Variants in HSDL1 observed in about 807,000 individuals in gnomAD.
The protein encoded by HSDL1 is hydroxysteroid dehydrogenase like 1, also known as inactive hydroxysteroid dehydrogenase-like protein 1.
HSDL1 carries 29 observed loss-of-function variants against 31.5 expected under a neutral mutation model. That is an observed-to-expected ratio of 0.92 (90% CI 0.69 to 1.26). The LOEUF is 1.26. Among genes scored for constraint, HSDL1 ranks in the 50% most tolerant of loss-of-function variants. The pLI is 0.00. For synonymous variants in HSDL1, 222 were observed against 155.2 expected (o/e 1.43, Z -3.20); for missense variants, 503 against 416.6 (o/e 1.21, Z -1.81).
chr16:84,141,698 G>A (rs747218641), intron 1 of HSDL1, among the ~76,000 whole-genome samples: 7 of 152,234 alleles, frequency 4.6e-5, no homozygotes, highest in Non-Finnish European at 8.8e-5. Context: ...CAGGGTGGCT[G>A]TGAAATGGTA....
At chr16:84,131,671 C>G (rs1392201867) in intron 2 of HSDL1, among the ~76,000 whole-genome samples, 1 of 149,404 alleles carries the variant, frequency 6.7e-6, no homozygotes, top group Admixed American at 6.7e-5. Flanking sequence ...CATGCCACCA[C>G]GCCCGGCTAA....
At chr16:84,143,767 C>T (rs2086796555) in intron 1 of HSDL1, among the ~76,000 whole-genome samples, 1 of 150,898 alleles carries the variant, frequency 6.6e-6, no homozygotes, top group African/African-American at 2.4e-5. Context: ...GAGGCCAAGG[C>T]GGGCAGATCA....
At position 84,123,256 on chromosome 16, in the gene HSDL1, T is replaced by C. The variant is rs2151182475; in HGVS notation, c.*1374A>G. ...TCATAAAACTGTGCTTAGGTCTGCT[T>C]ATGATAGATTATCACGTCACGAAAA... On this transcript the variant is annotated 3_prime_UTR_variant, in exon 6 of 6. Transcript: ENST00000219439. 1 of 152,358 alleles carries C rather than the reference T, an allele frequency of 6.6e-6. No individual in the cohort carries two copies. 9.4% of individuals were successfully genotyped at this position (152,358 alleles called of 1,614,324 possible).
In HSDL1 at chr16:84,130,333, C is replaced by A; in HGVS notation, c.319G>T (p.Val107Phe). ...TACGTGTCGGCTATGTCTTTAGCAA[C>A]AACCTGCAACTTCTCCTCGTTCCGA... The part of the protein sequence containing the change: ...ISRNEEKLQV[V>F]AKDIADTYKV... The change falls in exon 4 of 6, where the codon GTT becomes TTT. Residue 107 changes from valine to phenylalanine, a missense_variant. Physicochemically the swap from Val to Phe is conservative, Grantham distance 50. Transcript: ENST00000219439. 6.2e-7 allele frequency: 1 copy of A among 1,614,228 alleles called. No individual in the cohort carries two copies. The highest frequency in any genetic ancestry group is 8.5e-7 in the Non-Finnish European group (1 of 1,180,052).
Position 84,129,850 on chromosome 16 carries a change from T to C in HSDL1, c.667-75A>G, listed in dbSNP as rs188675272. 6.2e-5 allele frequency: 90 copies of C among 1,441,744 alleles called. 1 individual carries two copies. The African/African-American group carries it at 1.1e-3, about 17-fold the overall frequency. The allele number at this position is 1,441,744 out of a possible 1,614,324, so 89.3% of individuals were successfully genotyped here. ...AAATTCAGGAGAAAAAAAGACTTGCTTATTATCAATTCAGGAAAAAATACA... is the reference window on the plus strand; with the variant it reads ...AAATTCAGGAGAAAAAAAGACTTGCCTATTATCAATTCAGGAAAAAATACA... On this transcript the variant is annotated intron_variant, in intron 4 of 5. Transcript: ENST00000219439.
rs370696316 is a variant in HSDL1 at position 84,126,447 on chromosome 16, A to G, written c.895-1719T>C. Reference sequence around the variant, plus strand: ...ACTGGTATCTAGTGGGTGGAGGCCCAGGATGGTGTTCAACATCCTACAATA... The same window carrying G: ...ACTGGTATCTAGTGGGTGGAGGCCCGGGATGGTGTTCAACATCCTACAATA... On this transcript the variant is annotated intron_variant, in intron 5 of 5. Coordinates refer to ENST00000219439, the MANE Select transcript of HSDL1 (RefSeq NM_031463.5). 7.2e-5 allele frequency among the ~76,000 whole-genome samples: 11 copies of G among 152,286 alleles called. No individual in the cohort carries two copies. In the South Asian group the frequency reaches 2.1e-3, roughly 29 times the overall value.
In HSDL1 at chr16:84,124,391, GCA is replaced by G; in HGVS notation, c.*237_*238del. The G allele has an allele frequency of 2.7e-6, 1 of 367,990 alleles. No homozygotes were observed. Among genetic ancestry groups the G allele is most frequent in the Non-Finnish European group, 5.1e-6 (1 of 196,896 alleles). The allele number at this position is 367,990 out of a possible 1,614,324, so 22.8% of individuals were successfully genotyped here. ...AACTTTCAAACAGCTTAGGGAAAAA[GCA>G]CTGAAATGTAGATGTCGTCAATCAG... On this transcript the variant is annotated 3_prime_UTR_variant, in exon 6 of 6. Coordinates refer to ENST00000219439, the MANE Select transcript of HSDL1 (RefSeq NM_031463.5).
rs1279678039 is a variant in HSDL1, at chr16:84,123,773, A to G, written c.*857T>C. Reference sequence around the variant, plus strand: ...ATGGGTCAGAGGCTGAGAAATCACTATTTATCCACAAGAATTGCCTTATAA... The same window carrying G: ...ATGGGTCAGAGGCTGAGAAATCACTGTTTATCCACAAGAATTGCCTTATAA... On this transcript the variant is annotated 3_prime_UTR_variant, in exon 6 of 6. Transcript: ENST00000219439. The G allele has an allele frequency of 6.6e-6, 1 of 152,462 alleles. No individual in the cohort carries two copies. Among genetic ancestry groups the G allele is most frequent in the Non-Finnish European group, 1.5e-5 (1 of 68,038 alleles). 9.4% of individuals were successfully genotyped at this position (152,462 alleles called of 1,614,324 possible).
At chr16:84,130,870 G>A (rs999900028) in intron 3 of HSDL1, 2 of 497,230 alleles carry the variant, frequency 4.0e-6, no homozygotes. Context: ...TGGGTCTGGA[G>A]GAGGACTGGG....
chr16:84,136,809 G>T (rs1286908994), intron 1 of HSDL1, among the ~76,000 whole-genome samples: 2 of 152,200 alleles, frequency 1.3e-5, no homozygotes. Flanking sequence ...CAGAGCATCA[G>T]GGGGGCTGAT....
chr16:84,126,175 T>C (rs1158289988), intron 5 of HSDL1, among the ~76,000 whole-genome samples: 1 of 151,080 alleles, frequency 6.6e-6, no homozygotes, highest in Non-Finnish European at 1.5e-5. Flanking sequence ...GCATACGTGG[T>C]TAGTACTCTA....
intron 1 of HSDL1, chr16:84,139,149 G>C (rs146946143): frequency 6.6e-6 from 1 of 152,242 alleles, no homozygotes; most frequent in Non-Finnish European, 1.5e-5. Context: ...ATTAGCGAAC[G>C]ACAGTGTGGT....
At position 84,130,300 on chromosome 16, in the gene HSDL1, C is replaced by T; in HGVS notation, c.352G>A (p.Glu118Lys). The stretch of plus-strand genomic sequence containing the variant: ...AAGTCCGCAACTATAATATCAGTTT[C>T]CACTTTGTACGTGTCGGCTATGTCT... ...AKDIADTYKVETDIIVADFSS... is the reference protein window; with the variant it reads ...AKDIADTYKVKTDIIVADFSS... Residue 118 changes from glutamate (E) to lysine (K), a missense_variant, in exon 4 of 6, where the codon GAA becomes AAA. Physicochemically the swap from Glu to Lys is moderately conservative, Grantham distance 56 (BLOSUM62 1). Transcript: ENST00000219439. 6.2e-7 allele frequency: 1 copy of T among 1,614,242 alleles called. No individual in the cohort carries two copies.
chr16:84,127,153 C>T (rs965735549), intron 5 of HSDL1, among the ~76,000 whole-genome samples: 1 of 148,390 alleles, frequency 6.7e-6, no homozygotes, highest in Non-Finnish European at 1.5e-5. Flanking sequence ...GGTTTCTCTG[C>T]TTTTCTCAAG....
intron 1 of HSDL1, among the ~76,000 whole-genome samples, chr16:84,138,640 TA>T (rs2086735805): frequency 6.6e-6 from 1 of 152,212 alleles, no homozygotes; most frequent in Non-Finnish European, 1.5e-5. Context: ...TAAAATAATT[TA>T]AAAAAATTTT....
intron 1 of HSDL1, among the ~76,000 whole-genome samples, chr16:84,136,798 A>C (rs2086717115): frequency 6.6e-6 from 1 of 152,228 alleles, no homozygotes; most frequent in African/African-American, 2.4e-5. Flanking sequence ...TTTAAAAATC[A>C]CAGAGCATCA....
rs188938961 is a variant in HSDL1 at position 84,131,572 on chromosome 16, T to C, written c.-6-245A>G. ...CCCTGTCGCCCAGGCTGGAGTGCAGTGGTGCGATTTTGGCTCACTGCAACC... is the reference window on the plus strand; with the variant it reads ...CCCTGTCGCCCAGGCTGGAGTGCAGCGGTGCGATTTTGGCTCACTGCAACC... On this transcript the variant is annotated intron_variant, in intron 2 of 5. Transcript: ENST00000219439. Among the ~76,000 whole-genome samples, 642 of 152,214 alleles carry C rather than the reference T, an allele frequency of 4.2e-3. 1 individual carries two copies. The highest frequency in any genetic ancestry group is 0.011 in the African/African-American group (460 of 41,514).
intron 3 of HSDL1, among the ~76,000 whole-genome samples, chr16:84,130,668 T>C (rs1418006179): frequency 1.3e-5 from 2 of 152,204 alleles, no homozygotes; most frequent in Admixed American, 6.5e-5. Flanking sequence ...ATTCACCATA[T>C]TGGTTAGGAG....
chr16:84,139,756 T>G (rs1220240369), intron 1 of HSDL1, among the ~76,000 whole-genome samples: 1 of 152,136 alleles, frequency 6.6e-6, no homozygotes, highest in Non-Finnish European at 1.5e-5. Context: ...CTATGTGTAT[T>G]CAGGAGCCAG....
Sources: gnomAD v4.1 joint callset for allele counts (sites outside exome capture counted in the v4.1 genomes callset) on GRCh38, gnomAD v4.1.1 for gene constraint, MANE v1.5 for transcripts, NCBI Gene and HGNC (gene_info 2026-07-23, HGNC 2026-07-21) for gene names.